The following ZNF57 variants were observed in gnomAD, a reference collection of about 807,000 sequenced individuals.
The protein encoded by ZNF57 is zinc finger protein 57.
A neutral mutation model predicts 13.4 loss-of-function variants in ZNF57; 11 were observed. That is an observed-to-expected ratio of 0.82 (90% confidence interval 0.52 to 1.36). The LOEUF (loss-of-function observed/expected upper bound fraction) is 1.36. Among genes scored for constraint, ZNF57 ranks in the 40% most tolerant of loss-of-function variants. The probability of loss-of-function intolerance (pLI) is 0.00; values close to 1 mark genes in which losing one functional copy is unlikely to be tolerated. For synonymous variants in ZNF57, 224 were observed against 238.5 expected, an observed-to-expected ratio of 0.94 and a Z score of 0.56; for missense variants, 696 against 667.5, an observed-to-expected ratio of 1.04 and a Z score of -0.47.
Position 2,917,758 on chromosome 19 carries a change from T to G in ZNF57, c.1137T>G (p.Phe379Leu). Residue 379 changes from phenylalanine (F) to leucine (L), a missense_variant, in exon 4 of 4, where the codon TTT becomes TTG. Around this residue, in one of 3 missense-constraint regions of ZNF57, gnomAD observed 645 missense variants for 591.5 expected, o/e 1.09. Coordinates refer to ENST00000306908, the MANE Select transcript of ZNF57 (RefSeq NM_173480.3). ...CGKAFTWSST[F>L]REHVRIHTQE... The stretch of plus-strand genomic sequence containing the variant: ...AAGCCTTCACTTGGTCCTCAACGTT[T>G]AGAGAACATGTGAGAATTCACACGC... 1 of 1,609,942 alleles carries G rather than the reference T, an allele frequency of 6.2e-7. No individual in the cohort carries two copies. Among genetic ancestry groups the G allele is most frequent in the Non-Finnish European group, 8.5e-7 (1 of 1,178,978 alleles).
chr19:2,913,165 G>A (rs1379434972), intron 1 of ZNF57, among the ~76,000 whole-genome samples: 2 of 152,178 alleles, frequency 1.3e-5, no homozygotes, highest in Admixed American at 1.3e-4. Flanking sequence ...TATTGGCTCA[G>A]CTGGTCTCAA....
intron 1 of ZNF57, among the ~76,000 whole-genome samples, chr19:2,908,538 G>A (rs1384968072): frequency 1.5e-5 from 2 of 134,532 alleles, no homozygotes; most frequent in African/African-American, 5.6e-5. Context: ...TCGAAGCTCC[G>A]CCTCCCCAGT....
intron 1 of ZNF57, among the ~76,000 whole-genome samples, chr19:2,914,250 TTTTTA>T (rs571119132): frequency 6.6e-6 from 1 of 152,192 alleles, no homozygotes; most frequent in South Asian, 2.1e-4. Context: ...ATTTCTTTTA[TTTTTA>T]TTTATTTTTT....
rs906717965 is a variant in ZNF57 at position 2,916,169 on chromosome 19, C to A, written c.222C>A (p.Phe74Leu). Residue 74 changes from phenylalanine to leucine, a missense_variant, in exon 3 of 4, where the codon TTC becomes TTA. Physicochemically the swap from Phe to Leu is conservative, Grantham distance 22. Coordinates refer to ENST00000306908, the MANE Select transcript of ZNF57 (RefSeq NM_173480.3). ...CTAAGGAACAGACAATACCAAACTT[C>A]ACAGGAAATAATTCCTGTGCCTACA... ...EKSKEQTIPN[F>L]TGNNSCAYTL... 1 of 1,613,890 alleles carries A rather than the reference C, an allele frequency of 6.2e-7. No homozygotes were observed. The highest frequency in any genetic ancestry group is 8.5e-7 in the Non-Finnish European group (1 of 1,179,996).
chr19:2,917,920 A>G lies in ZNF57; in HGVS notation c.1299A>G (p.Ser433=), dbSNP rs767873438. ...GTGGAAAAACCTTCACTTGGTCCTC[A>G]ACGTTTAGAGAACATGTGAGAATTC... is the stretch of plus-strand genomic sequence containing the variant. ...KQCGKTFTWS[S]TFREHVRIHT... The change falls in exon 4 of 4, where the codon TCA becomes TCG. Residue 433 remains serine, a synonymous_variant. Transcript: ENST00000306908. The G allele has an allele frequency of 1.9e-6, 3 of 1,613,916 alleles. No homozygotes were observed. Among genetic ancestry groups the G allele is most frequent in the South Asian group, 2.2e-5 (2 of 91,054 alleles).
chr19:2,905,414 C>A (rs1461598975), intron 1 of ZNF57, among the ~76,000 whole-genome samples: 2 of 73,460 alleles, frequency 2.7e-5, no homozygotes, highest in African/African-American at 9.3e-5. Flanking sequence ...ATCGCCCCCC[C>A]CCCCTCGGCA....
At chr19:2,904,235 T>C (rs970431098) in intron 1 of ZNF57, among the ~76,000 whole-genome samples, 1 of 152,250 alleles carries the variant, frequency 6.6e-6, no homozygotes, top group Non-Finnish European at 1.5e-5. Context: ...CTGTGGTTTC[T>C]TTCCTTTGCG....
rs1460945521 is a variant in ZNF57 at position 2,910,448 on chromosome 19, TTTTC to T, written c.4-5070_4-5067del. ...ATGTTCCACGTGCTTGATCTGTTTCTTTTCTTTTCTTTTTTTTTTTTTTTTTTTT... is the reference window on the plus strand; with the variant it reads ...ATGTTCCACGTGCTTGATCTGTTTCTTTTTCTTTTTTTTTTTTTTTTTTTT... On this transcript the variant is annotated intron_variant, in intron 1 of 3. Coordinates refer to ENST00000306908, the MANE Select transcript of ZNF57 (RefSeq NM_173480.3). 8.6e-5 allele frequency among the ~76,000 whole-genome samples: 2 copies of T among 23,344 alleles called. 1 individual carries two copies. Among genetic ancestry groups the T allele is most frequent in the African/African-American group, 2.1e-4 (2 of 9,612 alleles). The allele number at this position is 23,344 out of a possible 152,430, so 15.3% of individuals were successfully genotyped here. A position where few individuals can be genotyped will look rare whatever the true frequency, so the allele number is the denominator to read the frequency against.
Position 2,917,577 on chromosome 19 carries a change from G to A in ZNF57, c.956G>A (p.Trp319Ter). 6.2e-7 allele frequency: 1 copy of A among 1,613,540 alleles called. No individual in the cohort carries two copies. Among genetic ancestry groups the A allele is most frequent in the African/African-American group, 1.3e-5 (1 of 75,026 alleles). The stretch of plus-strand genomic sequence containing the variant: ...AAGCAGTGTGGGAAAACATTCAGTT[G>A]GTCTGAAACCTTGCGAGTCCACATG... ...ECKQCGKTFSWSETLRVHMRI... is the reference protein window; with the variant it reads ...ECKQCGKTFS Residue 319 changes from tryptophan (W) to a stop codon, truncating the protein, a stop_gained, in exon 4 of 4, where the codon TGG (tryptophan) becomes TAG (stop). Transcript: ENST00000306908. LOFTEE classifies it low-confidence loss of function (END_TRUNC).
intron 1 of ZNF57, among the ~76,000 whole-genome samples, chr19:2,909,382 G>A (rs1251555073): frequency 3.2e-5 from 2 of 62,864 alleles, no homozygotes; most frequent in Non-Finnish European, 7.6e-5. Context: ...CTGGGTTCAC[G>A]CCATTCTCCT....
At chr19:2,906,331 G>C (rs1166212080) in intron 1 of ZNF57, among the ~76,000 whole-genome samples, 2 of 152,276 alleles carry the variant, frequency 1.3e-5, no homozygotes. Context: ...TGGGAGGAAA[G>C]GCGTGAGCCA....
chr19:2,918,178 C>G lies in ZNF57; in HGVS notation c.1557C>G (p.Phe519Leu), dbSNP rs61742123. The G allele has an allele frequency of 1.2e-6, 2 of 1,614,124 alleles. No homozygotes were observed. ...TGTCCTTCAAGTGGCACTCCTCCTT[C>G]CGGAACCATCTGAGGATGCACACAG... ...CGMSFKWHSS[F>L]RNHLRMHTGQ... Residue 519 changes from phenylalanine (F) to leucine (L), a missense_variant, in exon 4 of 4, where the codon TTC becomes TTG. Physicochemically the swap from Phe to Leu is conservative, Grantham distance 22 (BLOSUM62 0). Coordinates refer to ENST00000306908, the MANE Select transcript of ZNF57 (RefSeq NM_173480.3).
rs774740654 is a variant in ZNF57 at position 2,900,936 on chromosome 19, C to G, written c.-110C>G. Reference sequence around the variant, plus strand: ...GGGCGGGACGTTTCGTCCTCCCTGCCGCGCGTGCCCTGCCTACCACGAGCG... The same window carrying G: ...GGGCGGGACGTTTCGTCCTCCCTGCGGCGCGTGCCCTGCCTACCACGAGCG... On this transcript the variant is annotated 5_prime_UTR_variant, in exon 1 of 4. Coordinates refer to ENST00000306908, the MANE Select transcript of ZNF57 (RefSeq NM_173480.3). The G allele has an allele frequency of 1.6e-4, 226 of 1,424,902 alleles. No individual in the cohort carries two copies. Among genetic ancestry groups the G allele is most frequent in the Non-Finnish European group, 2.0e-4 (209 of 1,052,198 alleles). 88.3% of individuals were successfully genotyped at this position (1,424,902 alleles called of 1,614,324 possible).
At chr19:2,905,268 G>A (rs1475680016) in intron 1 of ZNF57, among the ~76,000 whole-genome samples, 1 of 151,698 alleles carries the variant, frequency 6.6e-6, no homozygotes, top group East Asian at 2.0e-4. Flanking sequence ...GGGTTCAAGC[G>A]ATTCTTCTGC....
Position 2,909,463 on chromosome 19 carries a change from G to T in ZNF57, c.4-6059G>T, listed in dbSNP as rs1393694732. Among the ~76,000 whole-genome samples the T allele has an allele frequency of 5.7e-5, 3 of 52,298 alleles. 1 individual carries two copies. Among genetic ancestry groups the T allele is most frequent in the African/African-American group, 1.4e-4 (3 of 20,804 alleles). The allele number at this position is 52,298 out of a possible 152,430, so 34.3% of individuals were successfully genotyped here. On this transcript the variant is annotated intron_variant, in intron 1 of 3. Transcript: ENST00000306908. ...GCCCGGCTAATTTTTTGTATTTTTA[G>T]TAGAGACGGGGTTTCACCATGTTAG... is the stretch of plus-strand genomic sequence containing the variant.
intron 1 of ZNF57, among the ~76,000 whole-genome samples, chr19:2,908,875 C>A (rs141011211): frequency 2.8e-4 from 42 of 150,690 alleles, no homozygotes; most frequent in Non-Finnish European, 5.2e-4. Flanking sequence ...AGAGATTTGG[C>A]TGTTCTTGAC....
At position 2,916,915 on chromosome 19, in the gene ZNF57, T is replaced by C; in HGVS notation, c.303-9T>C. The C allele has an allele frequency of 6.4e-7, 1 of 1,555,284 alleles. No homozygotes were observed. The highest frequency in any genetic ancestry group is 1.7e-4 in the Middle Eastern group (1 of 5,778). On this transcript the variant is annotated splice_polypyrimidine_tract_variant and intron_variant, in intron 3 of 3. Transcript: ENST00000306908. ...TACCATACATAAAAATGTCTCTCAT[T>C]TTTAACAGAAATCATATGGTGGACA... is the stretch of plus-strand genomic sequence containing the variant.
rs2088215715 is a variant in ZNF57 at position 2,917,425 on chromosome 19, A to G, written c.804A>G (p.Gln268=). The part of the protein sequence containing the change: ...GRAFIYPSTF[Q]RHMTTHTGEK... ...CCTTCATTTATCCCTCGACATTTCA[A>G]AGACACATGACAACACACACTGGAG... Residue 268 remains glutamine, a synonymous_variant, in exon 4 of 4, where the codon CAA becomes CAG. Transcript: ENST00000306908. 1 of 1,614,090 alleles carries G rather than the reference A, an allele frequency of 6.2e-7. No individual in the cohort carries two copies. Among genetic ancestry groups the G allele is most frequent in the African/African-American group, 1.3e-5 (1 of 74,942 alleles).
intron 3 of ZNF57, chr19:2,916,711 A>G (rs2043334): frequency 0.87 from 325,277 of 373,122 alleles, 142,529 homozygotes; most frequent in Middle Eastern, 0.91. Flanking sequence ...GTGAGACTCC[A>G]TCTCAAAAAA....
Sources: gnomAD v4.1 joint callset for allele counts (sites outside exome capture counted in the v4.1 genomes callset) on GRCh38, gnomAD v4.1.1 for gene constraint, gnomAD v4.1.1 regional missense constraint, MANE v1.5 for transcripts, NCBI Gene and HGNC (gene_info 2026-07-23, HGNC 2026-07-21) for gene names.